GALM: variants seen among roughly 807,000 people sequenced by gnomAD.
GALM encodes galactose mutarotase.
GALM carries 43 observed loss-of-function variants against 37.4 expected under a neutral mutation model. That is an observed-to-expected ratio of 1.15 (90% CI 0.90 to 1.48). GALM has a LOEUF of 1.48. Among genes scored for constraint, GALM ranks in the 40% most tolerant of loss-of-function variants. The pLI is 0.00. For synonymous variants in GALM, 199 were observed against 170.6 expected (o/e 1.17, Z -1.30); for missense variants, 456 against 419.1 (o/e 1.09, Z -0.77).
chr2:38,721,549 T>C (rs998183369), intron 4 of GALM, among the ~76,000 whole-genome samples: 2 of 152,176 alleles, frequency 1.3e-5, no homozygotes, highest in Non-Finnish European at 2.9e-5. Context: ...GCTCTCACTC[T>C]GTCACCCAGG....
intron 4 of GALM, among the ~76,000 whole-genome samples, chr2:38,699,304 G>A (rs1558587404): frequency 6.6e-6 from 1 of 152,134 alleles, no homozygotes; most frequent in Admixed American, 6.5e-5. Context: ...GGTACACTGG[G>A]ATATTTTGAT....
chr2:38,685,708 ATTTTTAT>A (rs138886301), intron 3 of GALM, among the ~76,000 whole-genome samples: 19,851 of 151,524 alleles, frequency 0.13, 1,657 homozygotes, highest in African/African-American at 0.23. Context: ...ATGCATTTTT[ATTTTTAT>A]TTTTTATTTT....
intron 3 of GALM, among the ~76,000 whole-genome samples, chr2:38,684,605 A>C (rs1665478771): frequency 6.6e-6 from 1 of 152,194 alleles, no homozygotes; most frequent in Admixed American, 6.5e-5. Flanking sequence ...CAGGAGTTCA[A>C]GACCAACCTG....
chr2:38,673,678 C>T (rs368890204), intron 1 of GALM, among the ~76,000 whole-genome samples: 181 of 151,960 alleles, frequency 1.2e-3, no homozygotes, highest in East Asian at 7.0e-3. Flanking sequence ...GGCATGGTGG[C>T]GGGTGCCTGT....
intron 4 of GALM, among the ~76,000 whole-genome samples, chr2:38,717,301 A>G (rs1572538927): frequency 8.1e-6 from 1 of 122,702 alleles, no homozygotes; most frequent in African/African-American, 3.4e-5. Context: ...TCTCTGTATT[A>G]AGGGAGTGTG....
chr2:38,700,012 C>T (rs1028026215), intron 4 of GALM, among the ~76,000 whole-genome samples: 7 of 152,076 alleles, frequency 4.6e-5, no homozygotes, highest in African/African-American at 1.4e-4. Flanking sequence ...AGTGCAGTAG[C>T]ATGATCTTGA....
intron 3 of GALM, 24 bp from the exon 4 acceptor site, chr2:38,689,789 C>G: frequency 7.1e-7 from 1 of 1,408,744 alleles, no homozygotes; most frequent in Non-Finnish European, 9.9e-7. Context: ...AGCAGAAAAC[C>G]TTTCCCCTAC....
intron 4 of GALM, among the ~76,000 whole-genome samples, chr2:38,722,030 T>TCCCCTCC (rs1666386364): frequency 2.4e-5 from 1 of 41,384 alleles, no homozygotes; most frequent in Non-Finnish European, 4.1e-5. Context: ...TGCCTTCCCT[T>TCCCCTCC]CCCCCCCCCA....
chr2:38,678,002 G>A (rs1181667209), intron 2 of GALM, among the ~76,000 whole-genome samples: 1 of 149,300 alleles, frequency 6.7e-6, no homozygotes, highest in African/African-American at 2.5e-5. Flanking sequence ...GAGGGGTGGG[G>A]AAAGACTTTG....
At chr2:38,672,388 C>T (rs1665130999) in intron 1 of GALM, among the ~76,000 whole-genome samples, 1 of 152,172 alleles carries the variant, frequency 6.6e-6, no homozygotes, top group South Asian at 2.1e-4. Context: ...CTCTTTGGGA[C>T]TCCTTTTGGT....
Position 38,675,527 on chromosome 2 carries a change from TTTTTTTTTTTTTTTTTTG to T in GALM, c.191-383_191-366del, listed in dbSNP as rs1558577532. 0.011 allele frequency among the ~76,000 whole-genome samples: 619 copies of T among 58,184 alleles called. 27 individuals are homozygous for T. The East Asian group carries it at 0.16, about 15-fold the overall frequency. The allele number at this position is 58,184 out of a possible 152,430, so 38.2% of individuals were successfully genotyped here. The stretch of plus-strand genomic sequence containing the variant: ...CACCTTTGGATTGAGGGTTTTTTTG[TTTTTTTTTTTTTTTTTTG>T]TGTGTGTGTGTGTGTGTGTGTGTGT... On this transcript the variant is annotated intron_variant, in intron 1 of 6. Transcript: ENST00000272252.
chr2:38,715,784 C>T (rs1168483006), intron 4 of GALM, among the ~76,000 whole-genome samples: 2 of 152,186 alleles, frequency 1.3e-5, no homozygotes, highest in Admixed American at 1.3e-4. Flanking sequence ...CCCTCTGCTA[C>T]TGTCCATAGT....
At chr2:38,712,363 G>C (rs1165476459) in intron 4 of GALM, among the ~76,000 whole-genome samples, 1 of 152,220 alleles carries the variant, frequency 6.6e-6, no homozygotes, top group Non-Finnish European at 1.5e-5. Context: ...AACCCACTCA[G>C]AGAAGCCTAG....
At chr2:38,719,731 GC>G in intron 4 of GALM, among the ~76,000 whole-genome samples, 1 of 144,584 alleles carries the variant, frequency 6.9e-6, no homozygotes, top group Non-Finnish European at 1.5e-5. Flanking sequence ...CCGAGATCAC[GC>G]CATTGCACTC....
chr2:38,695,026 G>A (rs542248752), intron 4 of GALM, among the ~76,000 whole-genome samples: 1 of 152,180 alleles, frequency 6.6e-6, no homozygotes, highest in East Asian at 1.9e-4. Context: ...TTTCTCATAT[G>A]CAGAATCTTG....
At chr2:38,704,856 G>C (rs899161608) in intron 4 of GALM, among the ~76,000 whole-genome samples, 40 of 152,120 alleles carry the variant, frequency 2.6e-4, no homozygotes, top group African/African-American at 9.4e-4. Flanking sequence ...CTTGGTAGCA[G>C]TGGTATTCTT....
intron 4 of GALM, among the ~76,000 whole-genome samples, chr2:38,690,958 C>T (rs1665659937): frequency 6.6e-6 from 1 of 152,298 alleles, no homozygotes; most frequent in Non-Finnish European, 1.5e-5. Context: ...ATTTTCCTGG[C>T]TCCAGGGCTG....
chr2:38,681,141 A>C (rs1369854901), intron 2 of GALM, 139 bp from the exon 3 acceptor site: 1 of 757,994 alleles, frequency 1.3e-6, no homozygotes, highest in Non-Finnish European at 2.3e-6. Flanking sequence ...AAAAAAAAAA[A>C]AATCCAGGCT....
At chr2:38,703,275 T>C (rs1056254444) in intron 4 of GALM, among the ~76,000 whole-genome samples, 26 of 149,494 alleles carry the variant, frequency 1.7e-4, no homozygotes, top group Non-Finnish European at 3.4e-4. Flanking sequence ...GCCTGGCTAA[T>C]TTTGTATTTT....
Sources: allele counts gnomAD v4.1 joint callset (sites outside exome capture counted in the v4.1 genomes callset), GRCh38; gene constraint gnomAD v4.1.1; transcripts MANE v1.5; gene names NCBI Gene and HGNC (gene_info 2026-07-23, HGNC 2026-07-21).